The following SLC26A7 variants were observed in gnomAD, a reference collection of about 807,000 sequenced individuals.
The protein encoded by SLC26A7 is solute carrier family 26 member 7, also known as anion exchange transporter.
Under a neutral mutation model 82.5 loss-of-function variants are expected in SLC26A7, and 59 were observed. The ratio of observed to expected loss-of-function variants is 0.72; its 90% CI spans 0.58 to 0.89. The LOEUF (loss-of-function observed/expected upper bound fraction) is 0.89, where lower values mean the gene tolerates loss of function less well. Among genes scored for constraint, SLC26A7 ranks in the 40% least tolerant of loss-of-function variants. The probability of loss-of-function intolerance (pLI) is 0.00; values close to 1 mark genes in which losing one functional copy is unlikely to be tolerated. For synonymous variants in SLC26A7, 271 were observed against 274.3 expected (o/e 0.99, Z 0.12); for missense variants, 820 against 793.0 (o/e 1.03, Z -0.41).
chr8:91,268,322 G>GGT (rs984673225), intron 2 of SLC26A7, among the ~76,000 whole-genome samples: 62 of 151,748 alleles, frequency 4.1e-4, no homozygotes, highest in African/African-American at 1.5e-3. Flanking sequence ...TCCAGTATTG[G>GGT]GTGTATATAT....
chr8:91,335,190 A>AT (rs1813207064), intron 6 of SLC26A7, among the ~76,000 whole-genome samples: 2 of 152,130 alleles, frequency 1.3e-5, no homozygotes, highest in Admixed American at 6.5e-5. Flanking sequence ...AATGTTGTCT[A>AT]AATAACTTCA....
chr8:91,344,301 C>T (rs377053290), intron 9 of SLC26A7: 25 of 666,122 alleles, frequency 3.8e-5, no homozygotes, highest in East Asian at 2.7e-4. Context: ...ATGGCAGAGC[C>T]GGGATTGGAA....
intron 2 of SLC26A7, among the ~76,000 whole-genome samples, chr8:91,287,401 A>T (rs1586365497): frequency 6.6e-6 from 1 of 152,224 alleles, no homozygotes; most frequent in Non-Finnish European, 1.5e-5. Context: ...ATATGGTAAG[A>T]TAAGAGGGTC....
At chr8:91,344,132 C>G (rs1416457238) in intron 9 of SLC26A7, 6 of 985,202 alleles carry the variant, frequency 6.1e-6, no homozygotes, top group Non-Finnish European at 7.2e-6. Flanking sequence ...GGCTGTCATA[C>G]TTTTGTTATA....
At chr8:91,215,681 T>C (rs1810031838) in intron 1 of SLC26A7, among the ~76,000 whole-genome samples, 1 of 152,204 alleles carries the variant, frequency 6.6e-6, no homozygotes, top group Admixed American at 6.6e-5. Context: ...CCAACTCCTT[T>C]TCCTATTCAC....
Position 91,340,489 on chromosome 8 carries a change from G to T in SLC26A7, c.964G>T (p.Ala322Ser). 1.9e-6 allele frequency: 3 copies of T among 1,613,922 alleles called. No individual in the cohort carries two copies. Among genetic ancestry groups the T allele is most frequent in the Non-Finnish European group, 2.5e-6 (3 of 1,179,940 alleles). ...CGGAGTGGCACTTGTAGGCTATGTGGCCTCACTGGCTCTTGCTCAAGGATC... is the reference window on the plus strand; with the variant it reads ...CGGAGTGGCACTTGTAGGCTATGTGTCCTCACTGGCTCTTGCTCAAGGATC... Reference protein sequence around the residue: ...AFGVALVGYVASLALAQGSAK... With the variant: ...AFGVALVGYVSSLALAQGSAK... The change falls in exon 8 of 19, where the codon GCC (alanine) becomes TCC (serine). Residue 322 changes from alanine (A) to serine (S), a missense_variant. Coordinates refer to ENST00000276609, the MANE Select transcript of SLC26A7 (RefSeq NM_052832.4).
At chr8:91,226,158 C>T (rs920334616) in intron 2 of SLC26A7, among the ~76,000 whole-genome samples, 1 of 152,166 alleles carries the variant, frequency 6.6e-6, no homozygotes, top group Non-Finnish European at 1.5e-5. Flanking sequence ...TACCACACCT[C>T]GGTGGGTAGT....
intron 2 of SLC26A7, among the ~76,000 whole-genome samples, chr8:91,275,358 G>T (rs1459232480): frequency 6.6e-6 from 1 of 152,092 alleles, no homozygotes; most frequent in Non-Finnish European, 1.5e-5. Context: ...GAGTGCAGAG[G>T]CATGTTCACA....
chr8:91,352,589 C>T (rs60953610), intron 10 of SLC26A7, among the ~76,000 whole-genome samples: 4,495 of 151,980 alleles, frequency 0.03, 223 homozygotes, highest in African/African-American at 0.1. Context: ...AACAAATGAC[C>T]GTGAATACGT....
chr8:91,256,197 A>G (rs1810797138), intron 2 of SLC26A7, among the ~76,000 whole-genome samples: 1 of 152,122 alleles, frequency 6.6e-6, no homozygotes, highest in Non-Finnish European at 1.5e-5. Context: ...TTTTCTGGAA[A>G]TTGTGCCCCG....
rs990116492 is a variant in SLC26A7, at chr8:91,366,505, T to A, written c.1489-75T>A. The A allele has an allele frequency of 2.7e-6, 4 of 1,484,902 alleles. No individual in the cohort carries two copies. The African/African-American group carries it at 5.7e-5, about 21-fold the overall frequency. 92.0% of individuals were successfully genotyped at this position (1,484,902 alleles called of 1,614,324 possible). A position where few individuals can be genotyped will look rare whatever the true frequency, so the allele number is the denominator to read the frequency against. The stretch of plus-strand genomic sequence containing the variant: ...TTGAGAGATTGCTTATAAAATTGAG[T>A]GACATTTAGATCTGATTGTTTATTG... On this transcript the variant is annotated intron_variant, in intron 13 of 18. Coordinates refer to ENST00000276609, the MANE Select transcript of SLC26A7 (RefSeq NM_052832.4).
intron 5 of SLC26A7, among the ~76,000 whole-genome samples, chr8:91,333,804 G>A (rs180698512): frequency 6.6e-6 from 1 of 152,280 alleles, no homozygotes; most frequent in East Asian, 1.9e-4. Flanking sequence ...AATGCTGAAT[G>A]ACTGAGAACA....
chr8:91,289,366 G>A, intron 3 of SLC26A7, 120 bp downstream of exon 3: 2 of 755,714 alleles, frequency 2.6e-6, no homozygotes, highest in Non-Finnish European at 4.5e-6. Flanking sequence ...AAATATTAGA[G>A]GAAGATATTT....
intron 2 of SLC26A7, among the ~76,000 whole-genome samples, chr8:91,283,959 G>C (rs1811643662): frequency 6.6e-6 from 1 of 152,006 alleles, no homozygotes; most frequent in South Asian, 2.1e-4. Flanking sequence ...ATCCATCTGT[G>C]AGCCCAATAC....
chr8:91,313,487 C>T (rs1325471930), intron 4 of SLC26A7, among the ~76,000 whole-genome samples: 1 of 152,132 alleles, frequency 6.6e-6, no homozygotes. Context: ...CTGAACAGCA[C>T]TAAATTGTTT....
intron 13 of SLC26A7, 146 bp downstream of exon 13, chr8:91,363,684 A>T (rs895626649): frequency 4.4e-6 from 2 of 457,738 alleles, no homozygotes; most frequent in African/African-American, 4.1e-5. Flanking sequence ...TACATATGTG[A>T]TCACAATATA....
chr8:91,247,438 G>T (rs540840235), upstream of SLC26A7, among the ~76,000 whole-genome samples: 30 of 151,716 alleles, frequency 2.0e-4, no homozygotes, highest in Admixed American at 6.6e-4. Flanking sequence ...TTTCTTTCTG[G>T]CATTGCTGAT....
At chr8:91,380,448 T>C (rs944533317) in intron 15 of SLC26A7, among the ~76,000 whole-genome samples, 2 of 152,142 alleles carry the variant, frequency 1.3e-5, no homozygotes, top group Admixed American at 6.5e-5. Context: ...CATTTAACCA[T>C]CAGAAAGCAA....
chr8:91,387,385 G>T (rs1043408396), intron 15 of SLC26A7, among the ~76,000 whole-genome samples: 2 of 152,202 alleles, frequency 1.3e-5, no homozygotes, highest in African/African-American at 4.8e-5. Context: ...TTTGCTTGAG[G>T]TTCTAGTTTA....
Sources: gnomAD v4.1 joint callset for allele counts (sites outside exome capture counted in the v4.1 genomes callset) on GRCh38, gnomAD v4.1.1 for gene constraint, MANE v1.5 for transcripts, NCBI Gene and HGNC (gene_info 2026-07-23, HGNC 2026-07-21) for gene names.